Variants in EYS observed in about 807,000 individuals in gnomAD.
EYS encodes EGF-like photoreceptor maintenance factor.
A neutral mutation model predicts 282.1 loss-of-function variants in EYS; 250 were observed. The ratio of observed to expected loss-of-function variants is 0.89; its 90% CI spans 0.80 to 0.98. The LOEUF (loss-of-function observed/expected upper bound fraction) is 0.98, where lower values mean the gene tolerates loss of function less well. Ranked by LOEUF, EYS falls within the 50% of genes least tolerant of loss-of-function variation. The pLI, the probability that EYS is intolerant of heterozygous loss-of-function variation, is 0.00. For missense variants in EYS, 4,016 were observed against 3,709.0 expected (o/e 1.08, Z -2.15); for synonymous variants, 1,355 against 1,282.9 (o/e 1.06, Z -1.20).
At chr6:65,019,936 C>A (rs558548982) in intron 13 of EYS, among the ~76,000 whole-genome samples, 92 of 152,196 alleles carry the variant, frequency 6.0e-4, no homozygotes, top group African/African-American at 2.2e-3. Context: ...TGGGGAAAAG[C>A]CCTTTATAAA....
At chr6:64,305,319 C>G (rs7768495) in intron 30 of EYS, among the ~76,000 whole-genome samples, 100,700 of 151,490 alleles carry the variant, frequency 0.66, 33,587 homozygotes, top group South Asian at 0.71. Flanking sequence ...AAGTGATATA[C>G]AGATTTGGTG....
chr6:63,828,977 G>T (rs1194616462), intron 36 of EYS, among the ~76,000 whole-genome samples: 1 of 151,970 alleles, frequency 6.6e-6, no homozygotes, highest in East Asian at 1.9e-4. Context: ...CCCACTACAG[G>T]GTATCTATTG....
intron 12 of EYS, among the ~76,000 whole-genome samples, chr6:65,247,429 A>G (rs927614503): frequency 7.2e-5 from 11 of 152,018 alleles, no homozygotes; most frequent in Non-Finnish European, 1.3e-4. Context: ...TCTCAGTAAC[A>G]TCTTTTTATT....
chr6:65,393,899 T>G (rs1027802118), intron 7 of EYS, among the ~76,000 whole-genome samples: 2 of 152,130 alleles, frequency 1.3e-5, no homozygotes, highest in Non-Finnish European at 2.9e-5. Flanking sequence ...CGTTGAAATA[T>G]CTCAGAATTT....
intron 28 of EYS, among the ~76,000 whole-genome samples, chr6:64,407,324 G>C (rs897598799): frequency 6.6e-6 from 1 of 152,118 alleles, no homozygotes; most frequent in Non-Finnish European, 1.5e-5. Flanking sequence ...GTGCGGGACA[G>C]CATTAGGAGA....
chr6:65,328,170 A>T (rs1228630213), intron 11 of EYS, among the ~76,000 whole-genome samples: 2 of 151,462 alleles, frequency 1.3e-5, no homozygotes, highest in East Asian at 3.9e-4. Flanking sequence ...AACATTCATC[A>T]TTCACTACCC....
chr6:64,828,840 GA>G (rs1765134282), intron 19 of EYS, among the ~76,000 whole-genome samples: 1 of 151,984 alleles, frequency 6.6e-6, no homozygotes, highest in African/African-American at 2.4e-5. Flanking sequence ...CCATCTGAAG[GA>G]AAAATAAAAA....
chr6:65,223,742 T>C (rs1044957109), intron 12 of EYS, among the ~76,000 whole-genome samples: 1 of 152,072 alleles, frequency 6.6e-6, no homozygotes, highest in African/African-American at 2.4e-5. Flanking sequence ...ACCATCCAGG[T>C]CAAGTAGCAG....
chr6:64,470,132 A>G (rs1324077994), intron 26 of EYS, among the ~76,000 whole-genome samples: 3 of 151,912 alleles, frequency 2.0e-5, no homozygotes, highest in Non-Finnish European at 2.9e-5. Context: ...ATTCAGGGCC[A>G]CTACCGGTCT....
intron 31 of EYS, among the ~76,000 whole-genome samples, chr6:64,164,936 T>G (rs1764236375): frequency 1.3e-5 from 2 of 152,144 alleles, no homozygotes; most frequent in African/African-American, 2.4e-5. Flanking sequence ...TCTTTGACTT[T>G]TTTCCCCTGT....
intron 30 of EYS, among the ~76,000 whole-genome samples, chr6:64,257,995 T>G (rs9451209): frequency 0.64 from 96,253 of 151,526 alleles, 30,714 homozygotes; most frequent in Non-Finnish European, 0.69. Flanking sequence ...GCCACCATCT[T>G]CAAACTGGTA....
chr6:64,257,352 TA>T (rs951734476), intron 30 of EYS, among the ~76,000 whole-genome samples: 2 of 152,080 alleles, frequency 1.3e-5, no homozygotes, highest in African/African-American at 4.8e-5. Flanking sequence ...TTCTATTTAG[TA>T]GTTGATAGTT....
At chr6:64,563,828 TA>T (rs536868741) in intron 26 of EYS, among the ~76,000 whole-genome samples, 6 of 151,796 alleles carry the variant, frequency 4.0e-5, no homozygotes, top group African/African-American at 1.4e-4. Flanking sequence ...TACATCAGAA[TA>T]AAAAAAGGAA....
chr6:65,142,733 C>T (rs1764378513), intron 12 of EYS, among the ~76,000 whole-genome samples: 1 of 151,412 alleles, frequency 6.6e-6, no homozygotes, highest in Non-Finnish European at 1.5e-5. Context: ...AAGTGGAGGC[C>T]AAGGAGACAT....
At chr6:65,346,567 A>C (rs770655926) in intron 9 of EYS, among the ~76,000 whole-genome samples, 2 of 151,744 alleles carry the variant, frequency 1.3e-5, no homozygotes, top group Non-Finnish European at 2.9e-5. Flanking sequence ...ATGAAAAGAA[A>C]TAGGAAAGAG....
intron 5 of EYS, among the ~76,000 whole-genome samples, chr6:65,426,751 AATTTACAATACATATTG>A (rs1175615069): frequency 6.6e-6 from 1 of 152,168 alleles, no homozygotes; most frequent in Non-Finnish European, 1.5e-5. Flanking sequence ...ATAGGCAAGG[AATTTACAATACATATTG>A]TAATGTAAAA....
intron 24 of EYS, among the ~76,000 whole-genome samples, chr6:64,610,878 G>A (rs1046181869): frequency 6.6e-6 from 1 of 151,868 alleles, no homozygotes; most frequent in Admixed American, 6.6e-5. Flanking sequence ...ATTCTAGTTT[G>A]CACCATCTCC....
intron 12 of EYS, among the ~76,000 whole-genome samples, chr6:65,082,281 T>C (rs1185904015): frequency 6.6e-6 from 1 of 152,046 alleles, no homozygotes; most frequent in Non-Finnish European, 1.5e-5. Flanking sequence ...TATCTCAACC[T>C]CTCTAATGGT....
At chr6:64,313,383 T>A (rs1240200195) in intron 29 of EYS, among the ~76,000 whole-genome samples, 1 of 148,034 alleles carries the variant, frequency 6.8e-6, no homozygotes, top group Non-Finnish European at 1.5e-5. Flanking sequence ...TGGGACTATG[T>A]GAAAATACCA....
Sources: gnomAD v4.1 joint callset for allele counts (sites outside exome capture counted in the v4.1 genomes callset) on GRCh38, gnomAD v4.1.1 for gene constraint, MANE v1.5 for transcripts, NCBI Gene and HGNC (gene_info 2026-07-23, HGNC 2026-07-21) for gene names.